HOMER1: variants seen among roughly 807,000 people sequenced by gnomAD.
HOMER1 encodes homer protein homolog 1.
In HOMER1, 3 loss-of-function variants were observed where a neutral mutation model predicts 48.9. The ratio of observed to expected loss-of-function variants is 0.06; its 90% CI spans 0.03 to 0.16. HOMER1 has a LOEUF of 0.16. Ranked by LOEUF, HOMER1 falls within the 10% of genes least tolerant of loss-of-function variation. The probability of loss-of-function intolerance (pLI) is 1.00; values close to 1 mark genes in which losing one functional copy is unlikely to be tolerated. For missense variants in HOMER1, 247 were observed against 411.4 expected (o/e 0.60, Z 3.46); for synonymous variants, 134 against 146.4 (o/e 0.92, Z 0.61).
chr5:79,376,136 T>G lies in HOMER1; in HGVS notation c.938A>C (p.Glu313Ala). The G allele has an allele frequency of 6.2e-7, 1 of 1,613,890 alleles. No homozygotes were observed. The highest frequency in any genetic ancestry group is 8.5e-7 in the Non-Finnish European group (1 of 1,179,836). ...GQLSDLEQRLEKSQNEQEAFR... is the reference protein window; with the variant it reads ...GQLSDLEQRLAKSQNEQEAFR... ...AGCTTCTTGTTCATTCTGACTTTTCTCCAGACGTTGCTCTAAGTCAGACAG... is the reference window on the plus strand; with the variant it reads ...AGCTTCTTGTTCATTCTGACTTTTCGCCAGACGTTGCTCTAAGTCAGACAG... Residue 313 changes from glutamate (E) to alanine (A), a missense_variant, in exon 9 of 9, where the codon GAG becomes GCG. By Grantham distance (107) the Glu-to-Ala change is moderately radical (BLOSUM62 -1). Transcript: ENST00000334082.
rs1437182755 is a variant in HOMER1, at chr5:79,514,057, G to C, written c.-1283C>G. ...GCCTGCCGCTGCCTCCGCCTCCGCCGGCCGGCCGGCTGGCAGAGAAGAGGG... is the reference window on the plus strand; with the variant it reads ...GCCTGCCGCTGCCTCCGCCTCCGCCCGCCGGCCGGCTGGCAGAGAAGAGGG... On this transcript the variant is annotated 5_prime_UTR_variant, in exon 1 of 9. Transcript: ENST00000334082. 1.3e-5 allele frequency: 2 copies of C among 152,232 alleles called. No homozygotes were observed. The allele number at this position is 152,232 out of a possible 1,614,324, so 9.4% of individuals were successfully genotyped here. A position where few individuals can be genotyped will look rare whatever the true frequency, so the allele number is the denominator to read the frequency against.
chr5:79,459,854 T>G (rs1751267528), intron 1 of HOMER1, among the ~76,000 whole-genome samples: 1 of 152,152 alleles, frequency 6.6e-6, no homozygotes, highest in Non-Finnish European at 1.5e-5. Context: ...GAGGGCTAAG[T>G]ACATTGTGTA....
At chr5:79,399,853 G>A (rs1384221324) in intron 6 of HOMER1, among the ~76,000 whole-genome samples, 2 of 152,136 alleles carry the variant, frequency 1.3e-5, no homozygotes, top group Non-Finnish European at 2.9e-5. Flanking sequence ...TACAAAAACT[G>A]CTCAAGGAGG....
In HOMER1 at chr5:79,503,462, G is replaced by A. The variant is rs542877123; in HGVS notation, c.5+9308C>T. On this transcript the variant is annotated intron_variant, in intron 1 of 8. Coordinates refer to ENST00000334082, the MANE Select transcript of HOMER1 (RefSeq NM_004272.5). ...AGAGAATCACTTGAACCCAGGAGGC[G>A]AGATTGCAGTAAGCCAAGATCATGC... is the stretch of plus-strand genomic sequence containing the variant. 5.3e-5 allele frequency among the ~76,000 whole-genome samples: 8 copies of A among 149,782 alleles called. No homozygotes were observed. In the South Asian group the frequency reaches 1.7e-3, roughly 32 times the overall value.
At chr5:79,451,335 T>C (rs983612401) in intron 2 of HOMER1, among the ~76,000 whole-genome samples, 7 of 152,164 alleles carry the variant, frequency 4.6e-5, no homozygotes, top group Non-Finnish European at 1.0e-4. Context: ...ATCAAAAATT[T>C]CAACATTTTA....
chr5:79,492,499 GA>G (rs112668228), intron 1 of HOMER1, among the ~76,000 whole-genome samples: 17 of 148,140 alleles, frequency 1.1e-4, no homozygotes, highest in Admixed American at 4.1e-4. Flanking sequence ...ATGAAAGAAG[GA>G]AAAAAAAAAC....
chr5:79,479,460 T>A (rs909759156), intron 1 of HOMER1, among the ~76,000 whole-genome samples: 1 of 152,156 alleles, frequency 6.6e-6, no homozygotes, highest in African/African-American at 2.4e-5. Context: ...CAGAAGGTGA[T>A]ATGATGAAGG....
At chr5:79,453,160 T>C (rs1751074583) in intron 2 of HOMER1, among the ~76,000 whole-genome samples, 1 of 152,198 alleles carries the variant, frequency 6.6e-6, no homozygotes, top group Non-Finnish European at 1.5e-5. Flanking sequence ...GTAAGTACTA[T>C]AAAGACCAGG....
chr5:79,432,274 A>G (rs1321298785), intron 5 of HOMER1, among the ~76,000 whole-genome samples: 1 of 152,236 alleles, frequency 6.6e-6, no homozygotes, highest in Non-Finnish European at 1.5e-5. Context: ...GCAGGCTAAG[A>G]ACAGAAATGG....
chr5:79,448,668 G>A (rs991660475), intron 3 of HOMER1, among the ~76,000 whole-genome samples: 6 of 152,102 alleles, frequency 3.9e-5, no homozygotes, highest in African/African-American at 1.4e-4. Context: ...AAGCTAGAAT[G>A]TTTATGTACT....
Position 79,457,000 on chromosome 5 carries a change from G to A in HOMER1, c.24C>T (p.Ser8=). 1 of 1,614,032 alleles carries A rather than the reference G, an allele frequency of 6.2e-7. No homozygotes were observed. The highest frequency in any genetic ancestry group is 8.5e-7 in the Non-Finnish European group (1 of 1,179,938). The change falls in exon 2 of 9, where the codon AGC becomes AGT. Residue 8 remains serine, a synonymous_variant. Transcript: ENST00000334082. MGEQPIF[S]TRAHVFQIDP... is the part of the protein sequence containing the mutation. ...CAATTTGGAAGACATGAGCTCGAGT[G>A]CTGAAGATAGGTTGTTCCCTGCAGG...
intron 5 of HOMER1, among the ~76,000 whole-genome samples, chr5:79,403,786 C>T (rs1192590776): frequency 1.3e-5 from 2 of 152,134 alleles, no homozygotes; most frequent in African/African-American, 4.8e-5. Flanking sequence ...GCACTCTGTA[C>T]AGTTTTTGTG....
chr5:79,411,649 C>T lies in HOMER1; in HGVS notation c.528-9594G>A, dbSNP rs189605139. 1.8e-3 allele frequency among the ~76,000 whole-genome samples: 269 copies of T among 152,262 alleles called. 4 individuals carry two copies. Among genetic ancestry groups the T allele is most frequent in the Admixed American group, 0.014 (217 of 15,292 alleles). ...ACTTATCTAACCTGCAGAGTGAATG[C>T]TACATGTGAATGGTCACTTGCAGAG... On this transcript the variant is annotated intron_variant, in intron 5 of 8. Coordinates refer to ENST00000334082, the MANE Select transcript of HOMER1 (RefSeq NM_004272.5).
chr5:79,396,867 T>C lies in HOMER1; in HGVS notation c.832A>G (p.Arg278Gly). ...ERLKQEIDNA[R>G]ELQEQRDSLT... ...GAATCCCTCTGTTCTTGTAGTTCTC[T>C]GGCATTATCAATTTCTTGTTTTAAC... Residue 278 changes from arginine (R) to glycine (G), a missense_variant, in exon 8 of 9, where the codon AGA (arginine) becomes GGA (glycine). Physicochemically the swap from Arg to Gly is moderately radical, Grantham distance 125 (BLOSUM62 -2). Around this residue, in one of 4 missense-constraint regions of HOMER1, gnomAD observed 113 missense variants for 152.5 expected, o/e 0.74. Transcript: ENST00000334082. 6.2e-7 allele frequency: 1 copy of C among 1,604,476 alleles called. No individual in the cohort carries two copies. The highest frequency in any genetic ancestry group is 1.1e-5 in the South Asian group (1 of 90,616).
chr5:79,399,159 T>C (rs1054910142), intron 6 of HOMER1, among the ~76,000 whole-genome samples: 8 of 152,170 alleles, frequency 5.3e-5, no homozygotes, highest in Non-Finnish European at 1.0e-4. Context: ...GTGGGCAAAA[T>C]GTAAAAGTCA....
intron 8 of HOMER1, among the ~76,000 whole-genome samples, chr5:79,396,394 CTTTTTA>C (rs1376127628): frequency 6.6e-6 from 1 of 151,424 alleles, no homozygotes; most frequent in Non-Finnish European, 1.5e-5. Flanking sequence ...CTCTCTCTTT[CTTTTTA>C]TTAAGACAGG....
intron 1 of HOMER1, among the ~76,000 whole-genome samples, chr5:79,478,510 G>C (rs1236359261): frequency 1.3e-5 from 2 of 151,544 alleles, no homozygotes; most frequent in African/African-American, 4.9e-5. Context: ...GCAACATGGT[G>C]AAACTTCGTC....
At chr5:79,511,543 T>C (rs1296444510) in intron 1 of HOMER1, among the ~76,000 whole-genome samples, 2 of 152,224 alleles carry the variant, frequency 1.3e-5, no homozygotes, top group African/African-American at 2.4e-5. Context: ...AAGCTACTAA[T>C]AGCAGCGCTA....
chr5:79,504,375 A>G (rs893182561), intron 1 of HOMER1, among the ~76,000 whole-genome samples: 1 of 151,294 alleles, frequency 6.6e-6, no homozygotes, highest in Non-Finnish European at 1.5e-5. Flanking sequence ...TAACAGAGTA[A>G]GAAAGAAAAC....
Sources: allele counts gnomAD v4.1 joint callset (sites outside exome capture counted in the v4.1 genomes callset), GRCh38; gene constraint gnomAD v4.1.1; regional missense constraint gnomAD v4.1.1; transcripts MANE v1.5; gene names NCBI Gene and HGNC (gene_info 2026-07-23, HGNC 2026-07-21).